The following RPS19 variants were observed in gnomAD, a reference collection of about 807,000 sequenced individuals.
The protein encoded by RPS19 is small ribosomal subunit protein eS19.
Under a neutral mutation model 20.3 loss-of-function variants are expected in RPS19, and 1 was observed. The observed-to-expected ratio is 0.05, with a 90% CI of 0.02 to 0.23. The LOEUF is 0.23. Ranked by LOEUF, RPS19 falls within the 10% of genes least tolerant of loss-of-function variation. The pLI, the probability that RPS19 is intolerant of heterozygous loss-of-function variation, is 1.00. For missense variants in RPS19, 111 were observed against 192.7 expected, an observed-to-expected ratio of 0.58 and a Z score of 2.51; for synonymous variants, 87 against 74.8, an observed-to-expected ratio of 1.16 and a Z score of -0.84.
chr19:41,863,455 C>T (rs2074053875), intron 3 of RPS19, among the ~76,000 whole-genome samples: 1 of 152,140 alleles, frequency 6.6e-6, no homozygotes, highest in Admixed American at 6.5e-5. Flanking sequence ...TGGCTCTGTC[C>T]AAAACTAGGT....
At chr19:41,860,726 C>T (rs781811321) in intron 1 of RPS19, 49 bp from the exon 2 acceptor site, 5 of 1,377,664 alleles carry the variant, frequency 3.6e-6, no homozygotes, top group South Asian at 3.5e-5. Flanking sequence ...GTGCTCTTGG[C>T]AGTCGTCTCT....
chr19:41,860,486 A>C, intron 1 of RPS19, 197 bp downstream of exon 1: 1 of 464,496 alleles, frequency 2.2e-6, no homozygotes, highest in Non-Finnish European at 4.0e-6. Flanking sequence ...CCCGGGGGGC[A>C]GCGGCGGGGT....
rs2074139987 is a variant in RPS19 at position 41,870,848 on chromosome 19, C to CTTTTTTTTTTTTTT, written c.412-503_412-502insTTTTTTTTTTTTTT. Reference sequence around the variant, plus strand: ...TTGGACTCCACTCCGCCACTCCCTTCCTTTTTTTTTTTTTTTTTTTTTTTT... The same window carrying CTTTTTTTTTTTTTT: ...TTGGACTCCACTCCGCCACTCCCTTCTTTTTTTTTTTTTTCTTTTTTTTTTTTTTTTTTTTTTTT... On this transcript the variant is annotated intron_variant, in intron 5 of 5. Transcript: ENST00000598742. 5.8e-5 allele frequency among the ~76,000 whole-genome samples: 5 copies of CTTTTTTTTTTTTTT among 85,766 alleles called. 1 individual carries two copies. Among genetic ancestry groups the CTTTTTTTTTTTTTT allele is most frequent in the African/African-American group, 1.3e-4 (3 of 22,542 alleles). The allele number at this position is 85,766 out of a possible 152,430, so 56.3% of individuals were successfully genotyped here.
At chr19:41,865,834 A>G (rs977399615) in intron 3 of RPS19, among the ~76,000 whole-genome samples, 1 of 150,168 alleles carries the variant, frequency 6.7e-6, no homozygotes, top group Admixed American at 6.7e-5. Context: ...CTGTAGTCCC[A>G]GTTACTGTAG....
chr19:41,871,519 T>G lies in RPS19; in HGVS notation c.*142T>G. 1 of 734,140 alleles carries G rather than the reference T, an allele frequency of 1.4e-6. No homozygotes were observed. The highest frequency in any genetic ancestry group is 2.4e-6 in the Non-Finnish European group (1 of 416,576). The allele number at this position is 734,140 out of a possible 1,614,324, so 45.5% of individuals were successfully genotyped here. On this transcript the variant is annotated 3_prime_UTR_variant, in exon 6 of 6. Transcript: ENST00000598742. ...GCAATCTCCGCCTTCTGGGTTCAAA[T>G]GATTCTCCTGCCTCAGCCTCCCAAA... is the stretch of plus-strand genomic sequence containing the variant.
At chr19:41,869,801 A>G (rs1555841621) in intron 5 of RPS19, 48 bp downstream of exon 5, 4 of 1,584,024 alleles carry the variant, frequency 2.5e-6, no homozygotes, top group Non-Finnish European at 3.5e-6. Flanking sequence ...TCGCTGCCCA[A>G]GCATTTCCAA....
At position 41,869,226 on chromosome 19, in the gene RPS19, A is replaced by AG. The variant is rs1555841385; in HGVS notation, c.356+13dup. ...AAGGACCAAGATGGGTAAGCAGGGT[A>AG]GAGGGGGCTGCATTGATGGAGTAGC... On this transcript the variant is annotated intron_variant, in intron 4 of 5. Transcript: ENST00000598742. 2.1e-5 allele frequency: 33 copies of AG among 1,609,530 alleles called. No individual in the cohort carries two copies. Among genetic ancestry groups the AG allele is most frequent in the Middle Eastern group, 1.8e-4 (1 of 5,436 alleles).
intron 1 of RPS19, 142 bp from the exon 2 acceptor site, chr19:41,860,633 C>A: frequency 1.3e-6 from 1 of 777,372 alleles, no homozygotes; most frequent in Non-Finnish European, 2.3e-6. Flanking sequence ...GGAGCCGGAG[C>A]CCGGCGTTGA....
intron 3 of RPS19, among the ~76,000 whole-genome samples, chr19:41,862,334 G>A (rs1555839442): frequency 2.0e-5 from 3 of 152,180 alleles, no homozygotes; most frequent in Non-Finnish European, 4.4e-5. Flanking sequence ...GGCCTCTGAG[G>A]ACTGAAAGAT....
chr19:41,860,475 C>T, intron 1 of RPS19, 186 bp downstream of exon 1: 1 of 448,232 alleles, frequency 2.2e-6, no homozygotes, highest in South Asian at 2.1e-5. Flanking sequence ...CGAGCGTGGG[C>T]CCCGGGGGGC....
intron 5 of RPS19, 62 bp downstream of exon 5, chr19:41,869,815 C>A: frequency 6.4e-7 from 1 of 1,556,768 alleles, no homozygotes; most frequent in Middle Eastern, 1.7e-4. Context: ...TTTCCAAAGC[C>A]CATACTTTGT....
At position 41,869,065 on chromosome 19, in the gene RPS19, C is replaced by T. The variant is rs975233878; in HGVS notation, c.207C>T (p.Gly69=). 9.3e-6 allele frequency: 15 copies of T among 1,613,556 alleles called. No homozygotes were observed. The highest frequency in any genetic ancestry group is 8.0e-5 in the African/African-American group (6 of 74,886). Residue 69 remains glycine (G), a synonymous_variant, in exon 4 of 6, where the codon GGC becomes GGT. Transcript: ENST00000598742. ...CGCGGCACCTGTACCTCCGGGGTGG[C>T]GCTGGGGTTGGCTCCATGACCAAGA... ...STARHLYLRG[G]AGVGSMTKIY... is the part of the protein sequence containing the mutation.
At chr19:41,866,272 A>G (rs1232603202) in intron 3 of RPS19, among the ~76,000 whole-genome samples, 7 of 152,104 alleles carry the variant, frequency 4.6e-5, no homozygotes, top group Admixed American at 4.6e-4. Flanking sequence ...ATAAAGCAGG[A>G]TAACAGGAAA....
chr19:41,868,172 T>C (rs927174842), intron 3 of RPS19, among the ~76,000 whole-genome samples: 1 of 152,206 alleles, frequency 6.6e-6, no homozygotes, highest in East Asian at 1.9e-4. Flanking sequence ...TGCTCTGAGC[T>C]CCAGAGCTAG....
intron 3 of RPS19, among the ~76,000 whole-genome samples, chr19:41,867,123 G>A (rs1345917609): frequency 1.3e-5 from 2 of 151,776 alleles, no homozygotes; most frequent in East Asian, 1.9e-4. Context: ...TTCAGCCAGA[G>A]CAACATGGCA....
Position 41,869,692 on chromosome 19 carries a change from C to T in RPS19, c.357-7C>T, listed in dbSNP as rs782793186. 1 of 1,613,796 alleles carries T rather than the reference C, an allele frequency of 6.2e-7. No homozygotes were observed. Among genetic ancestry groups the T allele is most frequent in the South Asian group, 1.1e-5 (1 of 91,062 alleles). On this transcript the variant is annotated splice_polypyrimidine_tract_variant and splice_region_variant and intron_variant, in intron 4 of 5. Coordinates refer to ENST00000598742, the MANE Select transcript of RPS19 (RefSeq NM_001022.4). ...CTGGGGCCTGCATGACCCTTCCCTCCCCACAGCGGCCGCAAACTGACACCT... is the reference window on the plus strand; with the variant it reads ...CTGGGGCCTGCATGACCCTTCCCTCTCCACAGCGGCCGCAAACTGACACCT...
intron 3 of RPS19, chr19:41,864,888 G>C (rs959196388): frequency 6.6e-6 from 1 of 152,194 alleles, no homozygotes; most frequent in African/African-American, 2.4e-5. Context: ...TCTCCAGGGG[G>C]TGAGGAAAAA....
intron 3 of RPS19, 152 bp downstream of exon 3, chr19:41,861,364 G>A (rs2074030129): frequency 3.0e-6 from 2 of 671,802 alleles, no homozygotes; most frequent in African/African-American, 3.6e-5. Flanking sequence ...TGTGACATTC[G>A]ATAACTTGGT....
At chr19:41,868,449 G>A (rs1340486192) in intron 3 of RPS19, among the ~76,000 whole-genome samples, 3 of 152,238 alleles carry the variant, frequency 2.0e-5, no homozygotes, top group African/African-American at 7.2e-5. Flanking sequence ...CCAGTTAATA[G>A]AAGCGTGCAA....
Sources: allele counts gnomAD v4.1 joint callset (sites outside exome capture counted in the v4.1 genomes callset), GRCh38; gene constraint gnomAD v4.1.1; transcripts MANE v1.5; gene names NCBI Gene and HGNC (gene_info 2026-07-23, HGNC 2026-07-21).